CHAF1B: variants seen among roughly 807,000 people sequenced by gnomAD.
CHAF1B encodes the protein chromatin assembly factor 1 subunit B, also known as CAF-1 subunit B.
CHAF1B carries 10 observed loss-of-function variants against 60.7 expected under a neutral mutation model. The ratio of observed to expected loss-of-function variants is 0.16; its 90% CI spans 0.10 to 0.28. CHAF1B has a LOEUF of 0.28. CHAF1B is among the 10% of genes least tolerant of loss of function. The pLI, the probability that CHAF1B is intolerant of heterozygous loss-of-function variation, is 1.00. For synonymous variants in CHAF1B, 261 were observed against 266.1 expected (o/e 0.98, Z 0.19); for missense variants, 558 against 708.4 (o/e 0.79, Z 2.41).
intron 5 of CHAF1B, among the ~76,000 whole-genome samples, chr21:36,395,025 CT>C (rs766363139): frequency 7.6e-4 from 115 of 152,092 alleles, no homozygotes; most frequent in Non-Finnish European, 1.2e-3. Context: ...ACCACTGCCC[CT>C]GGCCCTAACT....
At chr21:36,399,128 G>A (rs948628873) in intron 6 of CHAF1B, among the ~76,000 whole-genome samples, 9 of 150,156 alleles carry the variant, frequency 6.0e-5, no homozygotes, top group East Asian at 1.9e-4. Context: ...TCTGCCTCCC[G>A]GGTTCAAGTG....
At chr21:36,414,227 C>T (rs1472123650) in intron 12 of CHAF1B, among the ~76,000 whole-genome samples, 1 of 152,184 alleles carries the variant, frequency 6.6e-6, no homozygotes, top group Non-Finnish European at 1.5e-5. Context: ...CCTCTGCCTC[C>T]CAACCTTCCC....
At position 36,387,673 on chromosome 21, in the gene CHAF1B, G is replaced by T; in HGVS notation, c.202G>T (p.Ala68Ser). The stretch of plus-strand genomic sequence containing the variant: ...GTCCAATCTTGCTCGTCATACCAAA[G>T]CCGTCAATGTTGTGCGTTTTTCTCC... ...FLSNLARHTK[A>S]VNVVRFSPTG... The change falls in exon 3 of 14, where the codon GCC becomes TCC. Residue 68 changes from alanine (A) to serine (S), a missense_variant. Transcript: ENST00000314103. The T allele has an allele frequency of 1.5e-5, 25 of 1,614,244 alleles. No homozygotes were observed. Among genetic ancestry groups the T allele is most frequent in the Non-Finnish European group, 2.1e-5 (25 of 1,180,046 alleles).
intron 4 of CHAF1B, among the ~76,000 whole-genome samples, chr21:36,393,705 C>T (rs1041438865): frequency 3.9e-5 from 6 of 152,068 alleles, no homozygotes; most frequent in African/African-American, 9.7e-5. Flanking sequence ...CCGCCCACCT[C>T]GGCCTCCCAA....
chr21:36,409,330 C>CAA (rs2086259987), intron 9 of CHAF1B, 44 bp from the exon 10 acceptor site: 1 of 1,502,016 alleles, frequency 6.7e-7, no homozygotes. Context: ...TTTGCTTTTG[C>CAA]TTAGTCACAG....
At position 36,389,800 on chromosome 21, in the gene CHAF1B, T is replaced by TGTGTGTGTGCGCGCGCGC; in HGVS notation, c.260-1750_260-1749insTGTGTGTGCGCGCGCGCG. 6.4e-4 allele frequency among the ~76,000 whole-genome samples: 80 copies of TGTGTGTGTGCGCGCGCGC among 124,784 alleles called. 1 individual carries two copies. Among genetic ancestry groups the TGTGTGTGTGCGCGCGCGC allele is most frequent in the Middle Eastern group, 4.1e-3 (1 of 242 alleles). The allele number at this position is 124,784 out of a possible 152,430, so 81.9% of individuals were successfully genotyped here. A position where few individuals can be genotyped will look rare whatever the true frequency, so the allele number is the denominator to read the frequency against. On this transcript the variant is annotated intron_variant, in intron 3 of 13. Transcript: ENST00000314103. ...GTGTGTGTGTGTGTGTGTGTGTGTG[T>TGTGTGTGTGCGCGCGCGC]GCGCGCGCACGCTGATTTGTAGAGG...
rs759420528 is a variant in CHAF1B, at chr21:36,409,381, G to A, written c.835G>A (p.Ala279Thr). Residue 279 changes from alanine to threonine, a missense_variant, in exon 10 of 14, where the codon GCT becomes ACT. Physicochemically the swap from Ala to Thr is moderately conservative, Grantham distance 58. Transcript: ENST00000314103. ...FSRKNLKRPI[A>T]HLPCPGKATL... Reference sequence around the variant, plus strand: ...CTGCAATTAATCCATTAGGCCCATCGCTCATCTTCCATGTCCTGGAAAAGC... The same window carrying A: ...CTGCAATTAATCCATTAGGCCCATCACTCATCTTCCATGTCCTGGAAAAGC... 19 of 1,612,790 alleles carry A rather than the reference G, an allele frequency of 1.2e-5. No homozygotes were observed. The South Asian group carries it at 1.2e-4, about 10-fold the overall frequency.
chr21:36,386,282 GA>G lies in CHAF1B; in HGVS notation c.126+21del. On this transcript the variant is annotated intron_variant, in intron 2 of 13. Coordinates refer to ENST00000314103, the MANE Select transcript of CHAF1B (RefSeq NM_005441.3). ...GTCAGGGTAAACTGGGGCAGAGATA[GA>G]CATCCGGGAACACTGCTTGAAGCAA... The G allele has an allele frequency of 6.2e-7, 1 of 1,612,252 alleles. No homozygotes were observed. The highest frequency in any genetic ancestry group is 8.5e-7 in the Non-Finnish European group (1 of 1,179,222).
intron 3 of CHAF1B, among the ~76,000 whole-genome samples, chr21:36,389,800 T>TGCAC: frequency 8.0e-6 from 1 of 124,800 alleles, no homozygotes; most frequent in East Asian, 2.4e-4. Context: ...TGTGTGTGTG[T>TGCAC]GCGCGCGCAC....
chr21:36,387,219 G>GT (rs1471540790), intron 2 of CHAF1B, among the ~76,000 whole-genome samples: 11,983 of 141,060 alleles, frequency 0.085, 1,030 homozygotes, highest in African/African-American at 0.21. Flanking sequence ...AATAAGCATA[G>GT]TTTTGTTTTT....
chr21:36,407,258 C>T (rs2086245207), intron 8 of CHAF1B, among the ~76,000 whole-genome samples: 1 of 150,836 alleles, frequency 6.6e-6, no homozygotes, highest in Non-Finnish European at 1.5e-5. Context: ...GCCAAGATCG[C>T]ACCACTGCAC....
intron 4 of CHAF1B, among the ~76,000 whole-genome samples, chr21:36,393,177 G>A (rs1185773138): frequency 1.3e-5 from 2 of 152,156 alleles, no homozygotes; most frequent in Non-Finnish European, 2.9e-5. Flanking sequence ...GTCCAGCCTC[G>A]GCTTGGCATC....
At position 36,386,098 on chromosome 21, in the gene CHAF1B, G is replaced by C; in HGVS notation, c.-39G>C. ...TCTCCTGTCTTGAAGAAGTAGAACGGTGCCCGAGAAACGTTTTTCCCCTTC... is the reference window on the plus strand; with the variant it reads ...TCTCCTGTCTTGAAGAAGTAGAACGCTGCCCGAGAAACGTTTTTCCCCTTC... On this transcript the variant is annotated 5_prime_UTR_variant, in exon 2 of 14. Transcript: ENST00000314103. 1 of 1,612,814 alleles carries C rather than the reference G, an allele frequency of 6.2e-7. No homozygotes were observed. The highest frequency in any genetic ancestry group is 8.5e-7 in the Non-Finnish European group (1 of 1,179,212).
intron 8 of CHAF1B, among the ~76,000 whole-genome samples, chr21:36,405,138 T>C (rs2086227805): frequency 6.6e-6 from 1 of 152,198 alleles, no homozygotes. Context: ...ATCAACGTTA[T>C]TGTTCTTTGT....
rs1491047310 is a variant in CHAF1B, at chr21:36,415,275, T to TA, written c.1494-20_1494-19insA. The TA allele has an allele frequency of 6.0e-6, 2 of 334,124 alleles. No individual in the cohort carries two copies. The highest frequency in any genetic ancestry group is 9.5e-6 in the Non-Finnish European group (2 of 209,634). The allele number at this position is 334,124 out of a possible 1,614,324, so 20.7% of individuals were successfully genotyped here. On this transcript the variant is annotated intron_variant, in intron 12 of 13. Transcript: ENST00000314103. ...TACTAATGAGCCATCACCCCTCTAC[T>TA]TTTTTTTTTTTAAATCAAGGAGAAT... is the stretch of plus-strand genomic sequence containing the variant.
intron 5 of CHAF1B, among the ~76,000 whole-genome samples, chr21:36,395,840 A>G (rs1601559817): frequency 1.3e-5 from 2 of 152,262 alleles, no homozygotes; most frequent in East Asian, 3.9e-4. Flanking sequence ...TCTTCCTGCC[A>G]ATTCTACAAC....
intron 6 of CHAF1B, among the ~76,000 whole-genome samples, chr21:36,398,799 G>A (rs1196400846): frequency 6.6e-6 from 1 of 152,200 alleles, no homozygotes; most frequent in Non-Finnish European, 1.5e-5. Flanking sequence ...AAAAAATGAG[G>A]AGTGCCTCCT....
intron 8 of CHAF1B, among the ~76,000 whole-genome samples, chr21:36,408,409 G>A (rs2086253487): frequency 6.6e-6 from 1 of 152,196 alleles, no homozygotes; most frequent in African/African-American, 2.4e-5. Flanking sequence ...GGAGAAAGGA[G>A]CCTGGGCAGC....
intron 8 of CHAF1B, among the ~76,000 whole-genome samples, chr21:36,408,203 G>A (rs1460547656): frequency 6.6e-6 from 1 of 152,162 alleles, no homozygotes; most frequent in South Asian, 2.1e-4. Flanking sequence ...TACAGCAGGG[G>A]GTGAGTGTAG....
Sources: allele counts gnomAD v4.1 joint callset (sites outside exome capture counted in the v4.1 genomes callset), GRCh38; gene constraint gnomAD v4.1.1; transcripts MANE v1.5; gene names NCBI Gene and HGNC (gene_info 2026-07-23, HGNC 2026-07-21).